PARVG: variants seen among roughly 807,000 people sequenced by gnomAD.
The protein encoded by PARVG is gamma-parvin.
A neutral mutation model predicts 44.4 loss-of-function variants in PARVG; 36 were observed. That is an observed-to-expected ratio of 0.81 (90% CI 0.62 to 1.07). The LOEUF (loss-of-function observed/expected upper bound fraction) is 1.07. Ranked by LOEUF, PARVG falls within the 50% of genes least tolerant of loss-of-function variation. The probability of loss-of-function intolerance (pLI) is 0.00; values close to 1 mark genes in which losing one functional copy is unlikely to be tolerated. For synonymous variants in PARVG, 170 were observed against 174.1 expected, an observed-to-expected ratio of 0.98 and a Z score of 0.19; for missense variants, 407 against 407.4, an observed-to-expected ratio of 1.00 and a Z score of 0.01.
intron 1 of PARVG, among the ~76,000 whole-genome samples, chr22:44,174,469 G>A (rs1246004369): frequency 6.6e-6 from 1 of 152,094 alleles, no homozygotes; most frequent in Admixed American, 6.5e-5. Flanking sequence ...CACTTTGGGA[G>A]GCCGAGGTGG....
intron 6 of PARVG, 73 bp downstream of exon 6, chr22:44,189,327 C>T: frequency 6.4e-7 from 1 of 1,566,016 alleles, no homozygotes; most frequent in South Asian, 1.2e-5. Context: ...AGGCTTCTCA[C>T]CCACCAGGAA....
At chr22:44,192,020 T>C in intron 7 of PARVG, 29 bp from the exon 8 acceptor site, 3 of 1,612,450 alleles carry the variant, frequency 1.9e-6, no homozygotes, top group Non-Finnish European at 2.5e-6. Context: ...TCTGGATTAT[T>C]TAATTTCTTC....
upstream of PARVG, among the ~76,000 whole-genome samples, chr22:44,175,994 T>C (rs1165532109): frequency 2.0e-5 from 3 of 152,180 alleles, no homozygotes; most frequent in Non-Finnish European, 4.4e-5. Flanking sequence ...TGCAACACCT[T>C]TGTGGATGTT....
At chr22:44,173,239 C>A (rs559096164) in intron 1 of PARVG, 2 of 1,192,326 alleles carry the variant, frequency 1.7e-6, no homozygotes, top group South Asian at 3.0e-5. Context: ...CCAGACCATA[C>A]GTGCACAAAG....
intron 12 of PARVG, among the ~76,000 whole-genome samples, chr22:44,199,878 G>A (rs915252741): frequency 1.3e-5 from 2 of 152,166 alleles, no homozygotes; most frequent in Non-Finnish European, 1.5e-5. Context: ...CTGACCTGGG[G>A]GGATCAGCAG....
chr22:44,173,337 C>T, intron 1 of PARVG: 1 of 672,082 alleles, frequency 1.5e-6, no homozygotes, highest in South Asian at 1.9e-5. Context: ...TGCATGCTGA[C>T]CAGTAAGTGA....
intron 11 of PARVG, among the ~76,000 whole-genome samples, chr22:44,198,189 G>A (rs1251659681): frequency 6.6e-6 from 1 of 152,166 alleles, no homozygotes; most frequent in African/African-American, 2.4e-5. Context: ...ATATGCTGGT[G>A]GCAGGGACGA....
Position 44,180,954 on chromosome 22 carries a change from G to A in PARVG, c.-420G>A. ...TGAGAGACCAGCTCGGGTCTGAAGT[G>A]TTTCTCTATCTACTGTGCTGAGATC... On this transcript the variant is annotated 5_prime_UTR_variant, in exon 1 of 14. Coordinates refer to ENST00000444313, the MANE Select transcript of PARVG (RefSeq NM_022141.7). The A allele has an allele frequency of 1.0e-5, 10 of 985,374 alleles. No homozygotes were observed. Among genetic ancestry groups the A allele is most frequent in the Non-Finnish European group, 1.2e-5 (10 of 829,932 alleles). The allele number at this position is 985,374 out of a possible 1,614,324, so 61.0% of individuals were successfully genotyped here. A position where few individuals can be genotyped will look rare whatever the true frequency, so the allele number is the denominator to read the frequency against.
Position 44,196,197 on chromosome 22 carries a change from T to C in PARVG, c.626T>C (p.Val209Ala), listed in dbSNP as rs767458510. ...TTATTTAAGCTGGCTCCGGAGAAAG[T>C]GAACGCAGTGAAAGAGGTAGGAGAG... ...DELFKLAPEK[V>A]NAVKEAIVNF... is the part of the protein sequence containing the mutation. The change falls in exon 10 of 14, where the codon GTG becomes GCG. Residue 209 changes from valine to alanine, a missense_variant. Transcript: ENST00000444313. 3.1e-6 allele frequency: 5 copies of C among 1,614,028 alleles called. No homozygotes were observed. Among genetic ancestry groups the C allele is most frequent in the East Asian group, 2.2e-5 (1 of 44,898 alleles).
chr22:44,205,578 C>T (rs953644495), intron 12 of PARVG, among the ~76,000 whole-genome samples, 179 bp from the exon 13 acceptor site: 1 of 152,168 alleles, frequency 6.6e-6, no homozygotes, highest in Non-Finnish European at 1.5e-5. Flanking sequence ...ACAGAGTGAG[C>T]TGTAGGGAGA....
chr22:44,174,543 C>T (rs529865154), intron 1 of PARVG, among the ~76,000 whole-genome samples: 7 of 143,364 alleles, frequency 4.9e-5, no homozygotes, highest in South Asian at 2.3e-4. Flanking sequence ...CCTGTCTCCG[C>T]TAAAAACAAA....
chr22:44,197,743 ATT>A (rs1245131049), intron 11 of PARVG, among the ~76,000 whole-genome samples: 1 of 152,200 alleles, frequency 6.6e-6, no homozygotes, highest in Non-Finnish European at 1.5e-5. Flanking sequence ...ACTTGGTAGA[ATT>A]GTGAGTGATA....
chr22:44,192,084 G>A lies in PARVG; in HGVS notation c.540G>A (p.Val180=). ...TKSGLKSEKL[V]EQLTEYSTDK... ...GTGGTCTGAAGTCAGAGAAGTTGGT[G>A]GAACAGCTCACTGAATACAGGTGAG... Residue 180 remains valine, a synonymous_variant, in exon 8 of 14, where the codon GTG becomes GTA. Transcript: ENST00000444313. 2.5e-6 allele frequency: 4 copies of A among 1,613,500 alleles called. No individual in the cohort carries two copies. The highest frequency in any genetic ancestry group is 3.4e-6 in the Non-Finnish European group (4 of 1,179,946).
At chr22:44,193,128 T>G (rs932381) in intron 8 of PARVG, among the ~76,000 whole-genome samples, 1 of 152,004 alleles carries the variant, frequency 6.6e-6, no homozygotes, top group Non-Finnish European at 1.5e-5. Flanking sequence ...GGCCCCAGCT[T>G]TCTTCTGGAG....
intron 12 of PARVG, among the ~76,000 whole-genome samples, chr22:44,204,153 C>T (rs539790983): frequency 6.6e-6 from 1 of 152,312 alleles, no homozygotes; most frequent in East Asian, 1.9e-4. Flanking sequence ...CCTGTTTCTT[C>T]TTGTTGGCTG....
At chr22:44,188,173 C>T in intron 5 of PARVG, 1 of 438,486 alleles carries the variant, frequency 2.3e-6, no homozygotes, top group Non-Finnish European at 4.2e-6. Flanking sequence ...TTTTGAGGTG[C>T]TGGGAGGTAA....
chr22:44,181,674 C>T (rs1380186061), intron 1 of PARVG, 68 bp from the exon 2 acceptor site: 1 of 979,906 alleles, frequency 1.0e-6, no homozygotes, highest in South Asian at 4.7e-5. Flanking sequence ...GGGCTCCGGG[C>T]AGAGCTTTCT....
Position 44,207,407 on chromosome 22 carries a change from G to A in PARVG, c.*981G>A, listed in dbSNP as rs1229136037. 2 of 66,010 alleles carry A rather than the reference G, an allele frequency of 3.0e-5. No homozygotes were observed. The highest frequency in any genetic ancestry group is 9.0e-5 in the Non-Finnish European group (2 of 22,124). 4.1% of individuals were successfully genotyped at this position (66,010 alleles called of 1,614,324 possible). ...CGGGGAGGGGAGGGTTTGTGGGGAC[G>A]GGTGAGGCTGGCGGGGAGGGGTGAG... On this transcript the variant is annotated 3_prime_UTR_variant, in exon 14 of 14. Coordinates refer to ENST00000444313, the MANE Select transcript of PARVG (RefSeq NM_022141.7).
upstream of PARVG, among the ~76,000 whole-genome samples, chr22:44,178,065 T>C (rs2054335887): frequency 6.6e-6 from 1 of 152,186 alleles, no homozygotes; most frequent in Non-Finnish European, 1.5e-5. Flanking sequence ...TTGCTCCCCC[T>C]TCACCTTCCA....
Sources: allele counts gnomAD v4.1 joint callset (sites outside exome capture counted in the v4.1 genomes callset), GRCh38; gene constraint gnomAD v4.1.1; transcripts MANE v1.5; gene names NCBI Gene and HGNC (gene_info 2026-07-23, HGNC 2026-07-21).